Variants in CROCC2 observed in about 807,000 individuals in gnomAD.
The protein encoded by CROCC2 is ciliary rootlet coiled-coil, rootletin family member 2.
A neutral mutation model predicts 177.6 loss-of-function variants in CROCC2; 163 were observed. The ratio of observed to expected loss-of-function variants is 0.92; its 90% CI spans 0.81 to 1.05. CROCC2 has a LOEUF of 1.05. Ranked by LOEUF, CROCC2 falls within the 50% of genes least tolerant of loss-of-function variation. CROCC2 has a pLI of 0.00. For synonymous variants in CROCC2, 904 were observed against 787.3 expected (o/e 1.15, Z -2.48); for missense variants, 1,929 against 1,797.8 (o/e 1.07, Z -1.32).
chr2:240,989,228 G>C (rs1200783509), intron 29 of CROCC2, among the ~76,000 whole-genome samples: 1 of 152,158 alleles, frequency 6.6e-6, no homozygotes, highest in African/African-American at 2.4e-5. Context: ...GAAATCCCCT[G>C]AGGCCTAGGG....
In CROCC2 at chr2:240,968,273, C is replaced by G; in HGVS notation, c.4401+11C>G. The G allele has an allele frequency of 6.6e-7, 1 of 1,522,868 alleles. No homozygotes were observed. The highest frequency in any genetic ancestry group is 2.5e-5 in the East Asian group (1 of 40,676). 94.3% of individuals were successfully genotyped at this position (1,522,868 alleles called of 1,614,324 possible). A position where few individuals can be genotyped will look rare whatever the true frequency, so the allele number is the denominator to read the frequency against. On this transcript the variant is annotated intron_variant, in intron 27 of 31. Transcript: ENST00000690015. ...AAGCGGCGGCTGCAGGTGGGGCAGG[C>G]GGCAGGGTGGGTCCCAGGTGGGGCA...
Position 240,965,637 on chromosome 2 carries a change from T to C in CROCC2, c.3605T>C (p.Val1202Ala). ...EAKHEGARKE[V>A]LGLQRKLAEV... ...CGCACCCCAACATCCCTCCTACAGG[T>C]CCTGGGATTGCAGAGGAAGTTGGCA... The change falls in exon 24 of 32, where the codon GTC becomes GCC. Residue 1202 changes from valine (V) to alanine (A), a missense_variant and splice_region_variant. Coordinates refer to ENST00000690015, the MANE Select transcript of CROCC2 (RefSeq NM_001351305.2). The C allele has an allele frequency of 6.4e-7, 1 of 1,550,418 alleles. No homozygotes were observed. The highest frequency in any genetic ancestry group is 1.4e-5 in the African/African-American group (1 of 73,112).
chr2:240,945,744 T>C (rs1306543809), intron 14 of CROCC2, among the ~76,000 whole-genome samples: 1 of 152,130 alleles, frequency 6.6e-6, no homozygotes, highest in Non-Finnish European at 1.5e-5. Flanking sequence ...TCTATTGCCA[T>C]TTCTATGCAG....
In CROCC2 at chr2:240,973,800, G is replaced by A. The variant is rs1226894847; in HGVS notation, c.4401+5538G>A. On this transcript the variant is annotated intron_variant, in intron 27 of 31. Transcript: ENST00000690015. This position sits in a 1 kb window ranked among gnomAD's most constrained non-coding sequence, Gnocchi z 4.7. ...GGTGACATAGTTTTCAGATTTATTTGTGTTAAGAAAATTGTATTATTTTAT... is the reference window on the plus strand; with the variant it reads ...GGTGACATAGTTTTCAGATTTATTTATGTTAAGAAAATTGTATTATTTTAT... Among the ~76,000 whole-genome samples the A allele has an allele frequency of 6.6e-6, 1 of 152,174 alleles. No homozygotes were observed. Among genetic ancestry groups the A allele is most frequent in the Non-Finnish European group, 1.5e-5 (1 of 68,032 alleles).
chr2:240,990,646 G>A (rs754694220), intron 30 of CROCC2, among the ~76,000 whole-genome samples: 6 of 152,052 alleles, frequency 3.9e-5, no homozygotes, highest in African/African-American at 1.2e-4. Flanking sequence ...GCAGTGGCGC[G>A]ATCTCGGCTC....
At chr2:240,946,913 G>T (rs767474323) in intron 15 of CROCC2, among the ~76,000 whole-genome samples, 1 of 152,270 alleles carries the variant, frequency 6.6e-6, no homozygotes, top group Admixed American at 6.5e-5. Flanking sequence ...GAGGTGGAGA[G>T]TGTGGGCGGG....
At chr2:240,968,039 C>T (rs543872486) in intron 26 of CROCC2, 90 bp from the exon 27 acceptor site, 186 of 1,277,470 alleles carry the variant, frequency 1.5e-4, no homozygotes, top group Non-Finnish European at 1.7e-4. Flanking sequence ...ACGTGGGAGC[C>T]AGTCACTCAA....
chr2:240,965,283 C>A, intron 22 of CROCC2, 98 bp from the exon 23 acceptor site: 1 of 1,491,064 alleles, frequency 6.7e-7, no homozygotes, highest in Non-Finnish European at 9.0e-7. Flanking sequence ...TGGCCAGCTG[C>A]CCTCAAGGGA....
intron 10 of CROCC2, 39 bp downstream of exon 10, chr2:240,933,381 G>A (rs763768242): frequency 1.4e-5 from 21 of 1,453,206 alleles, no homozygotes; most frequent in Non-Finnish European, 1.6e-5. Flanking sequence ...TGCACAGGGT[G>A]TATGGGATCC....
At chr2:240,931,199 C>G (rs1031730517) in intron 7 of CROCC2, 71 bp downstream of exon 7, 9 of 644,920 alleles carry the variant, frequency 1.4e-5, no homozygotes, top group South Asian at 5.3e-5. Context: ...GCGTGCCGAG[C>G]AGCTGTGGAT....
At chr2:240,965,222 A>T (rs2059672268) in intron 22 of CROCC2, among the ~76,000 whole-genome samples, 159 bp from the exon 23 acceptor site, 1 of 152,002 alleles carries the variant, frequency 6.6e-6, no homozygotes. Context: ...GAGGGTGACA[A>T]CTCCCAGGGC....
rs1484046706 is a variant in CROCC2, at chr2:240,934,961, AAG to A, written c.1838_1839del (p.Lys613IlefsTer148). 2.0e-6 allele frequency: 3 copies of A among 1,517,092 alleles called. No homozygotes were observed. The African/African-American group carries it at 4.2e-5, about 21-fold the overall frequency. 94.0% of individuals were successfully genotyped at this position (1,517,092 alleles called of 1,614,324 possible). A position where few individuals can be genotyped will look rare whatever the true frequency, so the allele number is the denominator to read the frequency against. On this transcript the variant is annotated frameshift_variant, in exon 13 of 32. Transcript: ENST00000690015. LOFTEE classifies it high-confidence loss of function. Reference sequence around the variant, plus strand: ...CCTGGAGCTTCTTGTGAGGCGGCTGAAGTCGGAGGGAGTGGAGCAAAGGGACT... The same window carrying A: ...CCTGGAGCTTCTTGTGAGGCGGCTGATCGGAGGGAGTGGAGCAAAGGGACT... ...ADLELLVRRL[K>X]SEGVEQRDSL...
In CROCC2 at chr2:240,917,799, G is replaced by A. The variant is rs868668778; in HGVS notation, c.79-927G>A. Among the ~76,000 whole-genome samples, 3 of 152,220 alleles carry A rather than the reference G, an allele frequency of 2.0e-5. No individual in the cohort carries two copies. Among genetic ancestry groups the A allele is most frequent in the Admixed American group, 6.5e-5 (1 of 15,288 alleles). ...AGGCCGGGGACAGCTGTGGCCTTGC[G>A]TATTCCTGCGGGATCCTGCCTGGGC... On this transcript the variant is annotated intron_variant, in intron 1 of 31. Transcript: ENST00000690015. This position sits in a 1 kb window ranked among gnomAD's most constrained non-coding sequence, Gnocchi z 4.9.
intron 27 of CROCC2, among the ~76,000 whole-genome samples, chr2:240,976,090 T>G (rs981764676): frequency 2.6e-5 from 4 of 152,250 alleles, no homozygotes; most frequent in African/African-American, 9.6e-5. Context: ...ATGCCCCAGA[T>G]GGGGAGACTG....
chr2:240,964,190 G>A (rs1157423775), intron 21 of CROCC2: 19 of 560,688 alleles, frequency 3.4e-5, no homozygotes, highest in Middle Eastern at 4.7e-4. Flanking sequence ...GATGTTGAGC[G>A]TCCGGGAGTG....
Position 240,973,971 on chromosome 2 carries a change from C to T in CROCC2, c.4401+5709C>T, listed in dbSNP as rs1465637135. On this transcript the variant is annotated intron_variant, in intron 27 of 31. Coordinates refer to ENST00000690015, the MANE Select transcript of CROCC2 (RefSeq NM_001351305.2). This position sits in a 1 kb window ranked among gnomAD's most constrained non-coding sequence, Gnocchi z 4.7. ...TTTAATTCCCTTTCCAATCTCTTTTCTGTCAAGGGTCTGCTTTCGTTTTCC... is the reference window on the plus strand; with the variant it reads ...TTTAATTCCCTTTCCAATCTCTTTTTTGTCAAGGGTCTGCTTTCGTTTTCC... 6.6e-6 allele frequency among the ~76,000 whole-genome samples: 1 copy of T among 152,190 alleles called. No individual in the cohort carries two copies. Among genetic ancestry groups the T allele is most frequent in the Non-Finnish European group, 1.5e-5 (1 of 68,032 alleles).
chr2:240,928,477 C>T (rs116253158), intron 5 of CROCC2, among the ~76,000 whole-genome samples: 85 of 148,136 alleles, frequency 5.7e-4, no homozygotes, highest in African/African-American at 2.0e-3. Flanking sequence ...GTACACTCCC[C>T]GATGGTCTGT....
chr2:240,965,602 C>A, intron 23 of CROCC2, 34 bp from the exon 24 acceptor site: 1 of 1,549,752 alleles, frequency 6.5e-7, no homozygotes, highest in Non-Finnish European at 8.7e-7. Context: ...TCCTCACTGT[C>A]TCCCACGGGC....
chr2:240,944,316 G>T lies in CROCC2; in HGVS notation c.2170-1744G>T, dbSNP rs376045914. 1.3e-4 allele frequency among the ~76,000 whole-genome samples: 20 copies of T among 152,058 alleles called. 2 individuals are homozygous for T. In the South Asian group the frequency reaches 3.9e-3, roughly 30 times the overall value. Reference sequence around the variant, plus strand: ...CATTTTCTTTTAATTTATCCTTTTGGGGGTTACAGCTCATTTTAAGTCTGT... The same window carrying T: ...CATTTTCTTTTAATTTATCCTTTTGTGGGTTACAGCTCATTTTAAGTCTGT... On this transcript the variant is annotated intron_variant, in intron 14 of 31. Coordinates refer to ENST00000690015, the MANE Select transcript of CROCC2 (RefSeq NM_001351305.2).
Sources: allele counts gnomAD v4.1 joint callset (sites outside exome capture counted in the v4.1 genomes callset), GRCh38; gene constraint gnomAD v4.1.1; non-coding constraint Gnocchi (gnomAD v3.1); transcripts MANE v1.5; gene names NCBI Gene and HGNC (gene_info 2026-07-23, HGNC 2026-07-21).